LYPLAL1: variants seen among roughly 807,000 people sequenced by gnomAD.
LYPLAL1 encodes lysophospholipase-like protein 1.
A neutral mutation model predicts 19.7 loss-of-function variants in LYPLAL1; 23 were observed. The ratio of observed to expected loss-of-function variants is 1.17; its 90% CI spans 0.84 to 1.65. The LOEUF is 1.65. LYPLAL1 is among the 40% of genes most tolerant of loss of function. LYPLAL1 has a pLI of 0.00. For missense variants in LYPLAL1, 355 were observed against 279.4 expected (o/e 1.27, Z -1.93); for synonymous variants, 119 against 96.3 (o/e 1.24, Z -1.38).
chr1:219,353,287 G>C, the LYPLAL1 span, among the ~76,000 whole-genome samples: 4 of 152,208 alleles, frequency 2.6e-5, no homozygotes, highest in Non-Finnish European at 5.9e-5. Flanking sequence ...CAGATAGGAG[G>C]TAACTATGCA....
the LYPLAL1 span, among the ~76,000 whole-genome samples, chr1:219,362,771 G>A: frequency 6.6e-6 from 1 of 152,102 alleles, no homozygotes; most frequent in Non-Finnish European, 1.5e-5. Flanking sequence ...CAAGTAGTGA[G>A]TTTTGTTCTA....
the LYPLAL1 span, among the ~76,000 whole-genome samples, chr1:219,313,107 G>A: frequency 6.6e-6 from 1 of 152,110 alleles, no homozygotes; most frequent in African/African-American, 2.4e-5. Context: ...GTCTCTTCAT[G>A]TTTATAATCC....
At chr1:219,430,721 C>T in the LYPLAL1 span, among the ~76,000 whole-genome samples, 1 of 152,164 alleles carries the variant, frequency 6.6e-6, no homozygotes, top group Non-Finnish European at 1.5e-5. Flanking sequence ...CAACACAACT[C>T]CAAATGCTAA....
the LYPLAL1 span, among the ~76,000 whole-genome samples, chr1:219,246,267 C>A: frequency 6.6e-6 from 1 of 152,058 alleles, no homozygotes; most frequent in African/African-American, 2.4e-5. Flanking sequence ...AGGCAGAAAT[C>A]TTATTCTCTA....
chr1:219,183,432 T>C (rs545321320), intron 2 of LYPLAL1, among the ~76,000 whole-genome samples: 3 of 152,190 alleles, frequency 2.0e-5, no homozygotes, highest in East Asian at 3.9e-4. Context: ...ACATGTTTCT[T>C]TAAAATTTAC....
chr1:219,389,495 A>T, the LYPLAL1 span, among the ~76,000 whole-genome samples: 2 of 152,204 alleles, frequency 1.3e-5, no homozygotes, highest in African/African-American at 2.4e-5. Flanking sequence ...CTTACAAATG[A>T]AGATTGCCTT....
chr1:219,384,830 CAG>C, the LYPLAL1 span, among the ~76,000 whole-genome samples: 1 of 152,176 alleles, frequency 6.6e-6, no homozygotes, highest in Admixed American at 6.5e-5. Flanking sequence ...ATTCATCAAA[CAG>C]AAATATATAT....
At chr1:219,332,822 GCCC>G in the LYPLAL1 span, among the ~76,000 whole-genome samples, 14 of 125,720 alleles carry the variant, frequency 1.1e-4, no homozygotes, top group East Asian at 5.0e-4. Flanking sequence ...CTGATTTTCT[GCCC>G]CCCCCCCCCA....
In LYPLAL1 at chr1:219,193,141, C is replaced by T. The variant is rs1054632953; in HGVS notation, c.251C>T (p.Thr84Ile). Residue 84 changes from threonine to isoleucine, a missense_variant, in exon 3 of 5, where the codon ACC (threonine) becomes ATC (isoleucine). Physicochemically the swap from Thr to Ile is moderately conservative, Grantham distance 89. Transcript: ENST00000366928. ...GTATGGTTTGACAGATTTAAAATAA[C>T]CAATGACTGCCCAGAACACCTTGAA... Reference protein sequence around the residue: ...SNVWFDRFKITNDCPEHLESI... With the variant: ...SNVWFDRFKIINDCPEHLESI... The T allele has an allele frequency of 8.1e-6, 13 of 1,597,710 alleles. No individual in the cohort carries two copies. Among genetic ancestry groups the T allele is most frequent in the South Asian group, 3.3e-5 (3 of 90,776 alleles).
At chr1:219,288,725 A>G in the LYPLAL1 span, among the ~76,000 whole-genome samples, 12 of 152,324 alleles carry the variant, frequency 7.9e-5, no homozygotes, top group African/African-American at 2.9e-4. Context: ...GGAGATGTTG[A>G]CAATGGGGAA....
the LYPLAL1 span, among the ~76,000 whole-genome samples, chr1:219,319,929 C>A: frequency 4.6e-4 from 70 of 152,318 alleles, no homozygotes; most frequent in East Asian, 0.012. Context: ...GTCTTATAAT[C>A]CAGTCACAGT....
the LYPLAL1 span, among the ~76,000 whole-genome samples, chr1:219,327,784 A>C: frequency 6.6e-6 from 1 of 152,094 alleles, no homozygotes; most frequent in East Asian, 1.9e-4. Context: ...TGATGGTTTT[A>C]TAAGGGGAAA....
intron 3 of LYPLAL1, among the ~76,000 whole-genome samples, chr1:219,202,627 A>G (rs974573518): frequency 6.6e-6 from 1 of 152,198 alleles, no homozygotes; most frequent in Admixed American, 6.5e-5. Flanking sequence ...AATGCATTTG[A>G]GATTCCAAAC....
rs1659069175 is a variant in LYPLAL1 at position 219,211,797 on chromosome 1, A to G, written c.*69A>G. 9 of 957,312 alleles carry G rather than the reference A, an allele frequency of 9.4e-6. No individual in the cohort carries two copies. In the South Asian group the frequency reaches 1.6e-4, roughly 17 times the overall value. The allele number at this position is 957,312 out of a possible 1,614,324, so 59.3% of individuals were successfully genotyped here. ...GAAAAGTGATTTTTACTGCCAAATT[A>G]TAATGATAATTAAAATATTAAGAAA... is the stretch of plus-strand genomic sequence containing the variant. On this transcript the variant is annotated 3_prime_UTR_variant, in exon 5 of 5. Transcript: ENST00000366928.
the LYPLAL1 span, among the ~76,000 whole-genome samples, chr1:219,445,150 G>A: frequency 4.0e-5 from 6 of 150,496 alleles, no homozygotes; most frequent in Admixed American, 4.0e-4. Flanking sequence ...CTTTATTTTT[G>A]ATTGGGAAGA....
chr1:219,300,241 C>G, the LYPLAL1 span, among the ~76,000 whole-genome samples: 1 of 152,120 alleles, frequency 6.6e-6, no homozygotes, highest in East Asian at 1.9e-4. Flanking sequence ...ACCTCGGCCT[C>G]CCAAAGTGAT....
chr1:219,224,658 C>T, the LYPLAL1 span, among the ~76,000 whole-genome samples: 5 of 152,110 alleles, frequency 3.3e-5, no homozygotes, highest in East Asian at 9.6e-4. Context: ...ATTCATATAA[C>T]ATTCAAATGT....
the LYPLAL1 span, among the ~76,000 whole-genome samples, chr1:219,378,542 T>C: frequency 6.6e-6 from 1 of 152,040 alleles, no homozygotes. Context: ...TTAAAAATTG[T>C]TATTCAAGCA....
At position 219,193,143 on chromosome 1, in the gene LYPLAL1, A is replaced by G. The variant is rs764338680; in HGVS notation, c.253A>G (p.Asn85Asp). The G allele has an allele frequency of 3.7e-6, 6 of 1,610,172 alleles. No homozygotes were observed. The highest frequency in any genetic ancestry group is 5.1e-6 in the Non-Finnish European group (6 of 1,177,552). The change falls in exon 3 of 5, where the codon AAT becomes GAT. Residue 85 changes from asparagine (N) to aspartate (D), a missense_variant. Asn to Asp is a conservative substitution (Grantham distance 23). Coordinates refer to ENST00000366928, the MANE Select transcript of LYPLAL1 (RefSeq NM_138794.5). ...NVWFDRFKIT[N>D]DCPEHLESID... Reference sequence around the variant, plus strand: ...ATGGTTTGACAGATTTAAAATAACCAATGACTGCCCAGAACACCTTGAATC... The same window carrying G: ...ATGGTTTGACAGATTTAAAATAACCGATGACTGCCCAGAACACCTTGAATC...
Sources: allele counts gnomAD v4.1 joint callset (sites outside exome capture counted in the v4.1 genomes callset), GRCh38; gene constraint gnomAD v4.1.1; transcripts MANE v1.5; gene names NCBI Gene and HGNC (gene_info 2026-07-23, HGNC 2026-07-21).